The following SEC23A variants were observed in gnomAD, a reference collection of about 807,000 sequenced individuals.
The protein encoded by SEC23A is SEC23 homolog A, COPII component.
In SEC23A, 56 loss-of-function variants were observed where a neutral mutation model predicts 103.7. The observed-to-expected ratio is 0.54, with a 90% CI of 0.44 to 0.67. SEC23A has a LOEUF of 0.67. Ranked by LOEUF, SEC23A falls within the 30% of genes least tolerant of loss-of-function variation. The pLI is 0.00. For synonymous variants in SEC23A, 281 were observed against 293.0 expected, an observed-to-expected ratio of 0.96 and a Z score of 0.42; for missense variants, 784 against 936.4, an observed-to-expected ratio of 0.84 and a Z score of 2.12.
intron 16 of SEC23A, among the ~76,000 whole-genome samples, chr14:39,044,939 T>TA (rs899440880): frequency 3.0e-4 from 45 of 149,084 alleles, no homozygotes; most frequent in Middle Eastern, 3.4e-3. Flanking sequence ...CCATCTCCTT[T>TA]AAAAAAAAAA....
chr14:39,067,228 G>A lies in SEC23A; in HGVS notation c.1172C>T (p.Thr391Ile), dbSNP rs972372989. The A allele has an allele frequency of 1.2e-6, 2 of 1,613,476 alleles. No individual in the cohort carries two copies. The highest frequency in any genetic ancestry group is 3.3e-5 in the Admixed American group (2 of 59,994). Residue 391 changes from threonine (T) to isoleucine (I), a missense_variant, in exon 10 of 20, where the codon ACC (threonine) becomes ATC (isoleucine). Thr to Ile is a moderately conservative substitution (Grantham distance 89). Coordinates refer to ENST00000307712, the MANE Select transcript of SEC23A (RefSeq NM_006364.4). ...LFKQTFQRVF[T>I]KDMHGQFKMG... Reference sequence around the variant, plus strand: ...TTTAAACTGTCCATGCATGTCTTTGGTAAAGACTCTTTGAAAAGTTTGTTT... The same window carrying A: ...TTTAAACTGTCCATGCATGTCTTTGATAAAGACTCTTTGAAAAGTTTGTTT...
chr14:39,057,906 A>G (rs1886302552), intron 13 of SEC23A, among the ~76,000 whole-genome samples: 2 of 152,266 alleles, frequency 1.3e-5, no homozygotes, highest in Admixed American at 6.5e-5. Flanking sequence ...ATAAAAATCA[A>G]ATAATTAAAA....
intron 14 of SEC23A, 56 bp downstream of exon 14, chr14:39,055,086 AC>A: frequency 6.3e-7 from 1 of 1,599,578 alleles, no homozygotes; most frequent in African/African-American, 1.3e-5. Context: ...TCTGCAACAA[AC>A]ATTTACTACA....
intron 17 of SEC23A, 121 bp from the exon 18 acceptor site, chr14:39,041,008 C>A: frequency 1.8e-6 from 2 of 1,129,942 alleles, no homozygotes; most frequent in South Asian, 2.0e-5. Context: ...ATTCCATTTA[C>A]CTCAATTTTT....
chr14:39,076,762 C>G (rs756585192), intron 7 of SEC23A, among the ~76,000 whole-genome samples: 6 of 150,236 alleles, frequency 4.0e-5, no homozygotes, highest in Non-Finnish European at 7.4e-5. Flanking sequence ...CCCATCTCTA[C>G]TAAAAATACA....
At chr14:39,092,503 T>C in intron 4 of SEC23A, 38 bp downstream of exon 4, 1 of 1,205,530 alleles carries the variant, frequency 8.3e-7, no homozygotes, top group Non-Finnish European at 1.2e-6. Flanking sequence ...CAGTATAAAT[T>C]TTAAAACTTT....
chr14:39,044,077 T>C (rs1885749156), intron 16 of SEC23A, among the ~76,000 whole-genome samples: 1 of 152,108 alleles, frequency 6.6e-6, no homozygotes, highest in Non-Finnish European at 1.5e-5. Flanking sequence ...TGTTAATTAA[T>C]AAGAATGATC....
chr14:39,083,801 G>C (rs1320763313), intron 7 of SEC23A, among the ~76,000 whole-genome samples: 1 of 151,776 alleles, frequency 6.6e-6, no homozygotes, highest in Admixed American at 6.6e-5. Flanking sequence ...CTGACCTCAA[G>C]AGATCCACCC....
chr14:39,102,414 T>A (rs1021250440), intron 1 of SEC23A, among the ~76,000 whole-genome samples: 1 of 152,184 alleles, frequency 6.6e-6, no homozygotes, highest in African/African-American at 2.4e-5. Flanking sequence ...AAACGAGAAT[T>A]CCACATCCCC....
chr14:39,062,352 A>G (rs1357281951), intron 12 of SEC23A, among the ~76,000 whole-genome samples: 1 of 152,184 alleles, frequency 6.6e-6, no homozygotes, highest in Non-Finnish European at 1.5e-5. Context: ...CTCTCCAATG[A>G]GCATTTTCTT....
In SEC23A at chr14:39,045,440, T is replaced by A. The variant is rs574641594; in HGVS notation, c.1738-116A>T. On this transcript the variant is annotated intron_variant, in intron 15 of 19. Coordinates refer to ENST00000307712, the MANE Select transcript of SEC23A (RefSeq NM_006364.4). ...AACAACATAACAAAACATGTTATTA[T>A]AAGAATGTTCTAATTTATATCCCTC... The A allele has an allele frequency of 3.7e-5, 26 of 701,956 alleles. No individual in the cohort carries two copies. The South Asian group carries it at 5.3e-4, about 14-fold the overall frequency. 43.5% of individuals were successfully genotyped at this position (701,956 alleles called of 1,614,324 possible).
chr14:39,073,421 T>C (rs1886901980), intron 9 of SEC23A, among the ~76,000 whole-genome samples: 1 of 151,748 alleles, frequency 6.6e-6, no homozygotes, highest in African/African-American at 2.4e-5. Flanking sequence ...GCCTCCTGAG[T>C]AGCTGGGATT....
intron 9 of SEC23A, among the ~76,000 whole-genome samples, chr14:39,068,043 G>A (rs1347478118): frequency 1.3e-5 from 2 of 151,996 alleles, no homozygotes; most frequent in African/African-American, 4.8e-5. Context: ...AAATATACAT[G>A]TTATACCAAG....
At chr14:39,097,501 TG>T (rs1471406816) in intron 1 of SEC23A, among the ~76,000 whole-genome samples, 1 of 152,152 alleles carries the variant, frequency 6.6e-6, no homozygotes, top group Non-Finnish European at 1.5e-5. Flanking sequence ...AGATATTATT[TG>T]GGGGGAAAAA....
chr14:39,041,341 T>G (rs1304806461), intron 17 of SEC23A: 1 of 147,046 alleles, frequency 6.8e-6, no homozygotes, highest in Non-Finnish European at 1.5e-5. Flanking sequence ...AACAATCATG[T>G]GCATTTCTGA....
intron 13 of SEC23A, among the ~76,000 whole-genome samples, chr14:39,058,207 T>C (rs974328944): frequency 6.6e-6 from 1 of 152,106 alleles, no homozygotes; most frequent in Non-Finnish European, 1.5e-5. Flanking sequence ...GCTGAACCAC[T>C]TTTACATGTA....
chr14:39,074,582 T>C (rs1487809183), intron 8 of SEC23A, 52 bp from the exon 9 acceptor site: 1 of 1,124,290 alleles, frequency 8.9e-7, no homozygotes, highest in Non-Finnish European at 1.3e-6. Context: ...CCTATAAATC[T>C]TTTTTCCATT....
At chr14:39,079,500 G>A (rs979671378) in intron 7 of SEC23A, among the ~76,000 whole-genome samples, 6 of 152,016 alleles carry the variant, frequency 3.9e-5, no homozygotes, top group South Asian at 2.1e-4. Flanking sequence ...GAATGTAAAC[G>A]ATATAAACTT....
intron 5 of SEC23A, chr14:39,090,789 C>T (rs1887634358): frequency 5.6e-6 from 1 of 177,780 alleles, no homozygotes; most frequent in African/African-American, 2.4e-5. Flanking sequence ...TTCTGTATCT[C>T]CTTGGACCTC....
Sources: allele counts gnomAD v4.1 joint callset (sites outside exome capture counted in the v4.1 genomes callset), GRCh38; gene constraint gnomAD v4.1.1; transcripts MANE v1.5; gene names NCBI Gene and HGNC (gene_info 2026-07-23, HGNC 2026-07-21).